Variants in DLGAP2 observed in about 807,000 individuals in gnomAD.
The protein encoded by DLGAP2 is DLG associated protein 2.
A neutral mutation model predicts 100.3 loss-of-function variants in DLGAP2; 26 were observed. That is an observed-to-expected ratio of 0.26 (90% CI 0.19 to 0.36). The LOEUF (loss-of-function observed/expected upper bound fraction) is 0.36. Among genes scored for constraint, DLGAP2 ranks in the 10% least tolerant of loss-of-function variants. The pLI is 1.00. For synonymous variants in DLGAP2, 886 were observed against 630.1 expected (o/e 1.41, Z -6.08); for missense variants, 1,858 against 1,453.2 (o/e 1.28, Z -4.53).
At chr8:1,554,825 C>T (rs1801904386) in intron 5 of DLGAP2, among the ~76,000 whole-genome samples, 1 of 149,334 alleles carries the variant, frequency 6.7e-6, no homozygotes, top group Non-Finnish European at 1.5e-5. Flanking sequence ...TTCAGGAAGG[C>T]TGGCGTTGTG....
chr8:1,189,726 A>T (rs1585135833), intron 2 of DLGAP2, among the ~76,000 whole-genome samples: 1 of 113,978 alleles, frequency 8.8e-6, no homozygotes, highest in Admixed American at 1.2e-4. Context: ...AGCGAGCTCG[A>T]GTTATCCAAT....
At chr8:1,549,764 A>G in intron 5 of DLGAP2, 81 bp downstream of exon 5, 1 of 1,360,740 alleles carries the variant, frequency 7.3e-7, no homozygotes, top group East Asian at 2.5e-5. Context: ...ATTGACAGAT[A>G]ACAACTGCAT....
chr8:869,854 C>T (rs1012556523), intron 1 of DLGAP2, among the ~76,000 whole-genome samples: 81 of 151,950 alleles, frequency 5.3e-4, no homozygotes, highest in African/African-American at 1.9e-3. Flanking sequence ...TTCTGAACAG[C>T]AGGACTCTGC....
At chr8:832,725 A>C (rs978061158) in intron 1 of DLGAP2, among the ~76,000 whole-genome samples, 5 of 152,192 alleles carry the variant, frequency 3.3e-5, no homozygotes, top group Admixed American at 6.5e-5. Flanking sequence ...AGTGAGCACA[A>C]CTGTGTTTGT....
At chr8:1,343,374 G>T (rs112879715) in intron 3 of DLGAP2, among the ~76,000 whole-genome samples, 1 of 152,076 alleles carries the variant, frequency 6.6e-6, no homozygotes, top group Non-Finnish European at 1.5e-5. Flanking sequence ...ACGGCCAACC[G>T]GAGTTGCCCA....
At chr8:745,488 C>T (rs750055520) in intron 1 of DLGAP2, among the ~76,000 whole-genome samples, 2 of 152,208 alleles carry the variant, frequency 1.3e-5, no homozygotes, top group African/African-American at 2.4e-5. Context: ...TATCCAGCTA[C>T]TTGCTTCTCT....
chr8:1,540,880 T>G (rs1261288203), intron 4 of DLGAP2, among the ~76,000 whole-genome samples: 1 of 152,246 alleles, frequency 6.6e-6, no homozygotes, highest in Non-Finnish European at 1.5e-5. Context: ...GGGCTAAGAT[T>G]TTAGAAACAG....
At position 1,626,888 on chromosome 8, in the gene DLGAP2, G is replaced by C; in HGVS notation, c.1590+1G>C. ...GAGCCAGGCCAGCTGCGTGAGCCAG[G>C]TCAGGGTCCCTTCGCCCTTTCTCCC... On this transcript the variant is annotated splice_donor_variant, in intron 7 of 14. Transcript: ENST00000637795. LOFTEE classifies it high-confidence loss of function. 4 of 1,594,938 alleles carry C rather than the reference G, an allele frequency of 2.5e-6. No individual in the cohort carries two copies. The highest frequency in any genetic ancestry group is 3.4e-6 in the Non-Finnish European group (4 of 1,171,032).
At chr8:1,387,142 A>C (rs530270113) in intron 3 of DLGAP2, among the ~76,000 whole-genome samples, 1 of 152,290 alleles carries the variant, frequency 6.6e-6, no homozygotes, top group East Asian at 1.9e-4. Flanking sequence ...GATCATTGAC[A>C]GTAAGGAGGA....
chr8:1,648,988 C>T (rs1004266392), intron 8 of DLGAP2, among the ~76,000 whole-genome samples: 10 of 152,148 alleles, frequency 6.6e-5, no homozygotes, highest in African/African-American at 2.4e-4. Context: ...GCAGCCACCA[C>T]GAGGTCATCC....
chr8:912,279 G>A (rs1347255521), intron 2 of DLGAP2, among the ~76,000 whole-genome samples: 1 of 152,174 alleles, frequency 6.6e-6, no homozygotes, highest in East Asian at 1.9e-4. Flanking sequence ...GACAATGAAT[G>A]TAAAATGACT....
intron 2 of DLGAP2, among the ~76,000 whole-genome samples, chr8:1,185,725 ACTCACACT>A (rs1181531945): frequency 4.5e-5 from 2 of 44,150 alleles, no homozygotes; most frequent in Non-Finnish European, 8.9e-5. Context: ...ACACACACAC[ACTCACACT>A]CACACACACA....
chr8:1,365,431 C>A (rs866236916), intron 3 of DLGAP2, among the ~76,000 whole-genome samples: 1 of 152,160 alleles, frequency 6.6e-6, no homozygotes, highest in African/African-American at 2.4e-5. Context: ...GGGGAAGGGG[C>A]AGATGGAGCT....
chr8:1,213,783 A>T (rs1201493855), intron 2 of DLGAP2, among the ~76,000 whole-genome samples: 3 of 152,142 alleles, frequency 2.0e-5, no homozygotes, highest in South Asian at 4.1e-4. Flanking sequence ...CCATCTTTCC[A>T]GTGGCTCCCA....
chr8:1,655,733 T>C (rs1389566250), intron 8 of DLGAP2, among the ~76,000 whole-genome samples: 1 of 152,212 alleles, frequency 6.6e-6, no homozygotes, highest in Non-Finnish European at 1.5e-5. Flanking sequence ...GTCCAAAATC[T>C]CCTCCACGAG....
intron 6 of DLGAP2, among the ~76,000 whole-genome samples, chr8:1,600,967 T>G (rs192041639): frequency 1.6e-4 from 24 of 152,342 alleles, no homozygotes; most frequent in Admixed American, 1.6e-3. Context: ...TTTTTGGAAT[T>G]TTCAACCTTG....
chr8:1,205,378 C>G (rs549212655), intron 2 of DLGAP2, among the ~76,000 whole-genome samples: 11 of 151,202 alleles, frequency 7.3e-5, no homozygotes, highest in African/African-American at 2.7e-4. Context: ...GAAGTGCAGG[C>G]TCTTCCTGAA....
chr8:1,069,923 T>G (rs1373033613), intron 2 of DLGAP2, among the ~76,000 whole-genome samples: 1 of 152,202 alleles, frequency 6.6e-6, no homozygotes, highest in Non-Finnish European at 1.5e-5. Flanking sequence ...TTTGCCAGGC[T>G]GAACCCCCTC....
chr8:972,616 CTTATTTATTTAT>C (rs112414168), intron 2 of DLGAP2, among the ~76,000 whole-genome samples: 4 of 150,090 alleles, frequency 2.7e-5, no homozygotes, highest in Admixed American at 1.3e-4. Context: ...GTATTTTTTT[CTTATTTATTTAT>C]TTATTTATTT....
Sources: allele counts gnomAD v4.1 joint callset (sites outside exome capture counted in the v4.1 genomes callset), GRCh38; gene constraint gnomAD v4.1.1; transcripts MANE v1.5; gene names NCBI Gene and HGNC (gene_info 2026-07-23, HGNC 2026-07-21).